The following MVB12A variants were observed in gnomAD, a reference collection of about 807,000 sequenced individuals.
The protein encoded by MVB12A is multivesicular body subunit 12A.
Under a neutral mutation model 34.3 loss-of-function variants are expected in MVB12A, and 30 were observed. The ratio of observed to expected loss-of-function variants is 0.88; its 90% CI spans 0.65 to 1.19. The LOEUF (loss-of-function observed/expected upper bound fraction) is 1.19, where lower values mean the gene tolerates loss of function less well. Ranked by LOEUF, MVB12A falls within the 50% of genes most tolerant of loss-of-function variation. The probability of loss-of-function intolerance (pLI) is 0.00; values close to 1 mark genes in which losing one functional copy is unlikely to be tolerated. For synonymous variants in MVB12A, 158 were observed against 158.9 expected, an observed-to-expected ratio of 0.99 and a Z score of 0.04; for missense variants, 355 against 369.2, an observed-to-expected ratio of 0.96 and a Z score of 0.31.
chr19:17,407,320 C>T (rs979215030), intron 2 of MVB12A, among the ~76,000 whole-genome samples: 2 of 152,038 alleles, frequency 1.3e-5, no homozygotes, highest in African/African-American at 4.8e-5. Context: ...AGACACAAGA[C>T]GAAGAGATAA....
At position 17,423,555 on chromosome 19, in the gene MVB12A, C is replaced by A; in HGVS notation, c.471C>A (p.Pro157=). 1.9e-6 allele frequency: 3 copies of A among 1,614,056 alleles called. No individual in the cohort carries two copies. Among genetic ancestry groups the A allele is most frequent in the Non-Finnish European group, 2.5e-6 (3 of 1,180,028 alleles). ...CKKAKAPRPV[P]KPRGLSRDMQ... ...AGGCCAAGGCCCCGAGGCCAGTGCCCAAGCCCCGAGGTCTCAGCCGGGACA... is the reference window on the plus strand; with the variant it reads ...AGGCCAAGGCCCCGAGGCCAGTGCCAAAGCCCCGAGGTCTCAGCCGGGACA... The change falls in exon 5 of 9, where the codon CCC becomes CCA. Residue 157 remains proline (P), a synonymous_variant. Transcript: ENST00000317040.
intron 2 of MVB12A, among the ~76,000 whole-genome samples, chr19:17,412,651 G>GT (rs927157844): frequency 2.0e-5 from 3 of 152,188 alleles, no homozygotes; most frequent in Admixed American, 6.5e-5. Flanking sequence ...AACTGAAACA[G>GT]TATCTCCATC....
Position 17,425,072 on chromosome 19 carries a change from GGGGCCACCCCCACTCACTGCATCCT to G in MVB12A, c.*83_*107del, listed in dbSNP as rs869109032. ...GGGCCACCCCCCCTCACTGCATCCTGGGGCCACCCCCACTCACTGCATCCTGGGAACCTTCGCCCTGCAAGGCGTT... is the reference window on the plus strand; with the variant it reads ...GGGCCACCCCCCCTCACTGCATCCTGGGGAACCTTCGCCCTGCAAGGCGTT... On this transcript the variant is annotated 3_prime_UTR_variant, in exon 9 of 9. Coordinates refer to ENST00000317040, the MANE Select transcript of MVB12A (RefSeq NM_138401.4). 13 of 504,656 alleles carry G rather than the reference GGGGCCACCCCCACTCACTGCATCCT, an allele frequency of 2.6e-5. No homozygotes were observed. Among genetic ancestry groups the G allele is most frequent in the Non-Finnish European group, 3.7e-5 (12 of 321,740 alleles). 31.3% of individuals were successfully genotyped at this position (504,656 alleles called of 1,614,324 possible). A position where few individuals can be genotyped will look rare whatever the true frequency, so the allele number is the denominator to read the frequency against.
At chr19:17,421,773 C>G (rs1420177044) in intron 3 of MVB12A, 1 of 151,920 alleles carries the variant, frequency 6.6e-6, no homozygotes, top group African/African-American at 2.4e-5. Context: ...GAAACCCTGT[C>G]TCTACTAAAA....
At chr19:17,419,425 A>G (rs147234224), upstream of MVB12A, 5 of 152,306 alleles carry the variant, frequency 3.3e-5, no homozygotes, top group Non-Finnish European at 7.3e-5. Flanking sequence ...ATTCTTTTAT[A>G]CGTCGCTTTT....
rs893143979 is a variant in MVB12A, at chr19:17,409,317, G to C, written c.-5+3021G>C. The stretch of plus-strand genomic sequence containing the variant: ...AGCTACTTTTTGTATTTTTAGGAGA[G>C]ACGGGGTTTCGACATGTTGGCCAGG... On this transcript the variant is annotated intron_variant, in intron 2 of 6. Coordinates refer to the MVB12A transcript ENST00000528604. Among the ~76,000 whole-genome samples, 12 of 151,644 alleles carry C rather than the reference G, an allele frequency of 7.9e-5. No homozygotes were observed. The East Asian group carries it at 2.3e-3, about 29-fold the overall frequency.
In MVB12A at chr19:17,425,054, C is replaced by A. The variant is rs1013527063; in HGVS notation, c.*61C>A. On this transcript the variant is annotated 3_prime_UTR_variant, in exon 9 of 9. Transcript: ENST00000317040. ...CACCTCCCCGCCAGCCTGGGGCCAC[C>A]CCCCCTCACTGCATCCTGGGGCCAC... The A allele has an allele frequency of 1.2e-6, 1 of 853,614 alleles. No individual in the cohort carries two copies. The highest frequency in any genetic ancestry group is 1.9e-6 in the Non-Finnish European group (1 of 526,664). 52.9% of individuals were successfully genotyped at this position (853,614 alleles called of 1,614,324 possible).
At chr19:17,420,833 T>C (rs1599607021) in intron 3 of MVB12A, 199 bp downstream of exon 3, 2 of 647,198 alleles carry the variant, frequency 3.1e-6, no homozygotes, top group East Asian at 5.4e-5. Context: ...GTGATATGAT[T>C]GGCACAGCCT....
At position 17,422,395 on chromosome 19, in the gene MVB12A, C is replaced by A. The variant is rs150457252; in HGVS notation, c.350C>A (p.Thr117Lys). 1 of 1,613,588 alleles carries A rather than the reference C, an allele frequency of 6.2e-7. No homozygotes were observed. Among genetic ancestry groups the A allele is most frequent in the Non-Finnish European group, 8.5e-7 (1 of 1,179,788 alleles). ...VKLLPLGATDTAVFDVRLSGK... is the reference protein window; with the variant it reads ...VKLLPLGATDKAVFDVRLSGK... ...CTGTTGCCCCTGGGAGCCACGGACA[C>A]GGCTGTGTTTGATGTCCGGCTGAGT... is the stretch of plus-strand genomic sequence containing the variant. The change falls in exon 4 of 9, where the codon ACG (threonine) becomes AAG (lysine). Residue 117 changes from threonine (T) to lysine (K), a missense_variant. Transcript: ENST00000317040.
At chr19:17,406,265 G>A (rs1264752726) in exon 2 of MVB12A, 2 of 152,142 alleles carry the variant, frequency 1.3e-5, no homozygotes, top group Non-Finnish European at 2.9e-5. Context: ...CCTACTTCCA[G>A]AAAAAGTGCT....
Position 17,425,028 on chromosome 19 carries a change from C to G in MVB12A, c.*35C>G. 1 of 1,361,934 alleles carries G rather than the reference C, an allele frequency of 7.3e-7. No individual in the cohort carries two copies. Among genetic ancestry groups the G allele is most frequent in the Non-Finnish European group, 1.0e-6 (1 of 971,950 alleles). 84.4% of individuals were successfully genotyped at this position (1,361,934 alleles called of 1,614,324 possible). ...CTTCCGCGGAAAGAGCCCCCTTACT[C>G]CACCTCCCCGCCAGCCTGGGGCCAC... On this transcript the variant is annotated 3_prime_UTR_variant, in exon 9 of 9. Transcript: ENST00000317040.
rs890683307 is a variant in MVB12A at position 17,423,507 on chromosome 19, C to T, written c.423C>T (p.Gly141=). The T allele has an allele frequency of 7.4e-6, 12 of 1,612,536 alleles. No homozygotes were observed. The highest frequency in any genetic ancestry group is 1.3e-5 in the African/African-American group (1 of 74,872). The change falls in exon 5 of 9, where the codon GGC becomes GGT. Residue 141 remains glycine (G), a synonymous_variant. Transcript: ENST00000317040. The part of the protein sequence containing the change: ...VPGYLRIGDM[G]GFAIWCKKAK... ...TTCCCTCCTGGTCCAGGGACATGGGCGGCTTTGCCATCTGGTGCAAGAAGG... is the reference window on the plus strand; with the variant it reads ...TTCCCTCCTGGTCCAGGGACATGGGTGGCTTTGCCATCTGGTGCAAGAAGG...
chr19:17,410,496 T>TTATATATGTGTATATATATATATA (rs1568387298), intron 2 of MVB12A, among the ~76,000 whole-genome samples: 10 of 31,508 alleles, frequency 3.2e-4, no homozygotes, highest in East Asian at 5.8e-4. Context: ...GGTTTTAGCT[T>TTATATATGTGTATATATATATATA]CATATATATA....
At chr19:17,420,485 G>A in intron 2 of MVB12A, 53 bp from the exon 3 acceptor site, 1 of 1,588,690 alleles carries the variant, frequency 6.3e-7, no homozygotes, top group South Asian at 1.1e-5. Flanking sequence ...CCTATGCCAG[G>A]TGCGCTGTCC....
In MVB12A at chr19:17,424,677, G is replaced by A. The variant is rs1411555988; in HGVS notation, c.759G>A (p.Glu253=). The A allele has an allele frequency of 6.2e-7, 1 of 1,609,036 alleles. No homozygotes were observed. The highest frequency in any genetic ancestry group is 1.1e-5 in the South Asian group (1 of 90,528). Residue 253 remains glutamate, a splice_region_variant and synonymous_variant, in exon 8 of 9, where the codon GAG becomes GAA. Coordinates refer to ENST00000317040, the MANE Select transcript of MVB12A (RefSeq NM_138401.4). ...AGTCTCTGGCGGACATTGAGGAGGA[G>A]GTGGGTGCAGGGCTAGGGAGGAGGT... ...TIKSLADIEE[E]YNYGFVVEKT... is the part of the protein sequence containing the mutation.
chr19:17,424,610 C>T lies in MVB12A; in HGVS notation c.703-11C>T, dbSNP rs1163743103. 1 of 1,610,216 alleles carries T rather than the reference C, an allele frequency of 6.2e-7. No individual in the cohort carries two copies. The highest frequency in any genetic ancestry group is 8.5e-7 in the Non-Finnish European group (1 of 1,178,360). On this transcript the variant is annotated splice_polypyrimidine_tract_variant and intron_variant, in intron 7 of 8. Transcript: ENST00000317040. ...GATCGGGCCCAAGGCTGACCCACCT[C>T]TGCCCGCCAGGCCTTCTCTGCTTTT... is the stretch of plus-strand genomic sequence containing the variant.
At chr19:17,424,140 C>T (rs1180673747) in intron 7 of MVB12A, 73 bp downstream of exon 7, 1 of 1,435,668 alleles carries the variant, frequency 7.0e-7, no homozygotes, top group African/African-American at 1.4e-5. Context: ...ATCCCTGTAT[C>T]CAGTGCCCCA....
Position 17,425,169 on chromosome 19 carries a change from C to A in MVB12A, c.*176C>A. 1 of 554,824 alleles carries A rather than the reference C, an allele frequency of 1.8e-6. No homozygotes were observed. The highest frequency in any genetic ancestry group is 2.3e-5 in the South Asian group (1 of 43,866). 34.4% of individuals were successfully genotyped at this position (554,824 alleles called of 1,614,324 possible). Reference sequence around the variant, plus strand: ...GGAGCTGCAGCCCTGGAGGAGGGGGCGGGTCGAGGCTGCGTGGTGATGGGG... The same window carrying A: ...GGAGCTGCAGCCCTGGAGGAGGGGGAGGGTCGAGGCTGCGTGGTGATGGGG... On this transcript the variant is annotated 3_prime_UTR_variant, in exon 9 of 9. Transcript: ENST00000317040.
chr19:17,410,593 C>CAT (rs1319736997), intron 2 of MVB12A, among the ~76,000 whole-genome samples: 19 of 126,036 alleles, frequency 1.5e-4, no homozygotes, highest in South Asian at 9.4e-4. Context: ...TATATACACA[C>CAT]ATATATATAT....
Sources: allele counts gnomAD v4.1 joint callset (sites outside exome capture counted in the v4.1 genomes callset), GRCh38; gene constraint gnomAD v4.1.1; transcripts MANE v1.5; gene names NCBI Gene and HGNC (gene_info 2026-07-23, HGNC 2026-07-21).